Variants in EEF1AKMT1 observed in about 807,000 individuals in gnomAD.
EEF1AKMT1 encodes the protein N-6 adenine-specific DNA methyltransferase 2 (putative).
A neutral mutation model predicts 21.0 loss-of-function variants in EEF1AKMT1; 18 were observed. The observed-to-expected ratio is 0.86, with a 90% confidence interval of 0.59 to 1.27. The LOEUF (loss-of-function observed/expected upper bound fraction) is 1.27. EEF1AKMT1 is among the 50% of genes most tolerant of loss of function. The probability of loss-of-function intolerance (pLI) is 0.00; values close to 1 mark genes in which losing one functional copy is unlikely to be tolerated. For synonymous variants in EEF1AKMT1, 109 were observed against 94.8 expected, an observed-to-expected ratio of 1.15 and a Z score of -0.87; for missense variants, 246 against 258.6, an observed-to-expected ratio of 0.95 and a Z score of 0.33.
chr13:20,757,424 T>C, intron 2 of EEF1AKMT1, 31 bp downstream of exon 2: 1 of 1,612,332 alleles, frequency 6.2e-7, no homozygotes. Context: ...ACATCAATAC[T>C]TCCTGATGGC....
At chr13:20,740,580 G>A (rs549002176) in intron 2 of EEF1AKMT1, among the ~76,000 whole-genome samples, 4 of 152,250 alleles carry the variant, frequency 2.6e-5, no homozygotes, top group Non-Finnish European at 4.4e-5. Flanking sequence ...CAAGGCGGGA[G>A]GGTCCTGAGG....
chr13:20,737,626 C>T, intron 3 of EEF1AKMT1, 97 bp downstream of exon 3: 3 of 1,008,894 alleles, frequency 3.0e-6, no homozygotes, highest in East Asian at 2.7e-5. Context: ...ACAATATTTA[C>T]AGATTATAGT....
chr13:20,757,323 T>C (rs373153858), intron 2 of EEF1AKMT1, 132 bp downstream of exon 2: 1 of 1,026,010 alleles, frequency 9.7e-7, no homozygotes, highest in Non-Finnish European at 1.4e-6. Context: ...TAGCTCCCCA[T>C]AGAGAAGTTC....
intron 2 of EEF1AKMT1, among the ~76,000 whole-genome samples, chr13:20,750,404 C>A (rs1042794529): frequency 4.5e-4 from 68 of 152,052 alleles, no homozygotes; most frequent in African/African-American, 1.6e-3. Flanking sequence ...ATCTCCATGA[C>A]ATCAACATTT....
intron 1 of EEF1AKMT1, chr13:20,769,080 A>G (rs948687676): frequency 3.9e-5 from 6 of 152,100 alleles, no homozygotes; most frequent in African/African-American, 1.2e-4. Flanking sequence ...CAGACATTCT[A>G]TGGTTGTCAC....
chr13:20,767,643 C>A (rs1486313661), intron 1 of EEF1AKMT1, among the ~76,000 whole-genome samples: 1 of 151,868 alleles, frequency 6.6e-6, no homozygotes, highest in Non-Finnish European at 1.5e-5. Context: ...TTATGATGTG[C>A]CTTGGTGTGG....
intron 1 of EEF1AKMT1, among the ~76,000 whole-genome samples, chr13:20,765,568 A>C (rs1595031165): frequency 6.6e-6 from 1 of 151,776 alleles, no homozygotes; most frequent in East Asian, 2.0e-4. Context: ...GCCGGCCACC[A>C]CACCTGGCTA....
At chr13:20,772,039 C>T (rs895743919) in intron 1 of EEF1AKMT1, among the ~76,000 whole-genome samples, 2 of 151,868 alleles carry the variant, frequency 1.3e-5, no homozygotes, top group African/African-American at 4.8e-5. Context: ...TTAAATGAAC[C>T]TATTTTTAAC....
chr13:20,770,902 CAG>C (rs377445616), intron 1 of EEF1AKMT1, among the ~76,000 whole-genome samples: 1 of 147,930 alleles, frequency 6.8e-6, no homozygotes, highest in African/African-American at 2.5e-5. Flanking sequence ...TTTTTTGAGA[CAG>C]GGTTTCACTC....
intron 2 of EEF1AKMT1, among the ~76,000 whole-genome samples, chr13:20,753,720 A>G (rs1006667481): frequency 1.3e-5 from 2 of 152,204 alleles, no homozygotes; most frequent in Non-Finnish European, 2.9e-5. Flanking sequence ...TTTATCTGAT[A>G]TAAGCACAGC....
At chr13:20,754,961 A>C (rs2058964130) in intron 2 of EEF1AKMT1, among the ~76,000 whole-genome samples, 1 of 152,064 alleles carries the variant, frequency 6.6e-6, no homozygotes, top group Admixed American at 6.6e-5. Flanking sequence ...GGGAAGATGG[A>C]GCCAGGCTGA....
intron 2 of EEF1AKMT1, among the ~76,000 whole-genome samples, chr13:20,750,960 C>T (rs1036332067): frequency 1.3e-5 from 2 of 152,108 alleles, no homozygotes; most frequent in African/African-American, 4.8e-5. Context: ...CCTCATATAC[C>T]AGTTGGCCAT....
In EEF1AKMT1 at chr13:20,732,052, T is replaced by C. The variant is rs541046553; in HGVS notation, c.297A>G (p.Ile99Met). ...ATCTTTTGTCATATTCAAAGATGTA[T>C]ATCGAAAAGTTTTCTCTGCACAGCT... The part of the protein sequence containing the change: ...LRELCRENFS[I>M]YIFEYDKRFA... The change falls in exon 4 of 5, where the codon ATA becomes ATG. Residue 99 changes from isoleucine to methionine, a missense_variant. Ile to Met is a conservative substitution (Grantham distance 10, BLOSUM62 1). Coordinates refer to ENST00000382758, the MANE Select transcript of EEF1AKMT1 (RefSeq NM_001318939.2). The C allele has an allele frequency of 4.4e-5, 71 of 1,614,212 alleles. No individual in the cohort carries two copies. The South Asian group carries it at 7.6e-4, about 17-fold the overall frequency.
At chr13:20,765,705 C>G (rs1286475005) in intron 1 of EEF1AKMT1, among the ~76,000 whole-genome samples, 2 of 152,020 alleles carry the variant, frequency 1.3e-5, no homozygotes, top group Non-Finnish European at 2.9e-5. Flanking sequence ...GCCACTGCGT[C>G]TGGCCTCTTC....
At chr13:20,753,855 GT>G (rs1247553701) in intron 2 of EEF1AKMT1, among the ~76,000 whole-genome samples, 2 of 151,178 alleles carry the variant, frequency 1.3e-5, no homozygotes, top group East Asian at 1.9e-4. Context: ...GGTGGATCAG[GT>G]TTTTTTTTCT....
At chr13:20,751,061 T>C (rs1363897078) in intron 2 of EEF1AKMT1, among the ~76,000 whole-genome samples, 1 of 152,216 alleles carries the variant, frequency 6.6e-6, no homozygotes, top group Non-Finnish European at 1.5e-5. Context: ...GAGTTTCTTA[T>C]ATATTCTAGA....
At chr13:20,734,927 T>C (rs2141412644) in intron 3 of EEF1AKMT1, among the ~76,000 whole-genome samples, 1 of 152,292 alleles carries the variant, frequency 6.6e-6, no homozygotes, top group African/African-American at 2.4e-5. Flanking sequence ...GATTTCCCAC[T>C]AAAGATGGCA....
At chr13:20,739,920 G>C (rs2058859646) in intron 2 of EEF1AKMT1, among the ~76,000 whole-genome samples, 1 of 152,262 alleles carries the variant, frequency 6.6e-6, no homozygotes, top group African/African-American at 2.4e-5. Context: ...CCAGTCCCAT[G>C]CCATGTGCCA....
rs184680711 is a variant in EEF1AKMT1 at position 20,752,680 on chromosome 13, C to A, written c.144+4775G>T. Among the ~76,000 whole-genome samples, 5 of 152,190 alleles carry A rather than the reference C, an allele frequency of 3.3e-5. No individual in the cohort carries two copies. In the East Asian group the frequency reaches 5.8e-4, roughly 18 times the overall value. ...CTCATAGAATGAATTAGGGAGAATT[C>A]TCTCCACTTCAAACTTCTGGAATAA... On this transcript the variant is annotated intron_variant, in intron 2 of 4. Coordinates refer to ENST00000382758, the MANE Select transcript of EEF1AKMT1 (RefSeq NM_001318939.2).
Sources: allele counts gnomAD v4.1 joint callset (sites outside exome capture counted in the v4.1 genomes callset), GRCh38; gene constraint gnomAD v4.1.1; transcripts MANE v1.5; gene names NCBI Gene and HGNC (gene_info 2026-07-23, HGNC 2026-07-21).